Variants in PTBP1 observed in about 807,000 individuals in gnomAD.
PTBP1 encodes the protein polypyrimidine tract binding protein 1, also known as polypyrimidine tract-binding protein 1.
A neutral mutation model predicts 59.8 loss-of-function variants in PTBP1; 8 were observed. That is an observed-to-expected ratio of 0.13 (90% CI 0.08 to 0.24). PTBP1 has a LOEUF of 0.24. Among genes scored for constraint, PTBP1 ranks in the 10% least tolerant of loss-of-function variants. The probability of loss-of-function intolerance (pLI) is 1.00; values close to 1 mark genes in which losing one functional copy is unlikely to be tolerated. For missense variants in PTBP1, 686 were observed against 767.0 expected (o/e 0.89, Z 1.25); for synonymous variants, 490 against 320.7 (o/e 1.53, Z -5.64).
rs533776994 is a variant in PTBP1, at chr19:806,170, A to G, written c.971-238A>G. ...TCTGTGCTGTGGGCGGGGCGCATGCAGATGAGCCCAGGCCCGGCCCGGCCC... is the reference window on the plus strand; with the variant it reads ...TCTGTGCTGTGGGCGGGGCGCATGCGGATGAGCCCAGGCCCGGCCCGGCCC... On this transcript the variant is annotated intron_variant, in intron 9 of 14. Transcript: ENST00000356948. 400 of 441,338 alleles carry G rather than the reference A, an allele frequency of 9.1e-4. 2 individuals carry two copies. Among genetic ancestry groups the G allele is most frequent in the African/African-American group, 7.6e-3 (365 of 47,984 alleles). 27.3% of individuals were successfully genotyped at this position (441,338 alleles called of 1,614,324 possible).
At chr19:805,288 T>TAC in intron 8 of PTBP1, 101 bp downstream of exon 8, 1 of 1,377,648 alleles carries the variant, frequency 7.3e-7, no homozygotes, top group Non-Finnish European at 1.0e-6. Context: ...ACCAGGGTGA[T>TAC]GCACCTGCTG....
At position 808,361 on chromosome 19, in the gene PTBP1, C is replaced by A; in HGVS notation, c.1155C>A (p.Gly385=). Residue 385 remains glycine, a splice_region_variant and synonymous_variant, in exon 12 of 15, where the codon GGC becomes GGA. Transcript: ENST00000356948. The surrounding 1 kb of genome is among the most constrained non-coding windows in gnomAD (Gnocchi z 4.7). ...GGCCCCATCCCTGGGCTTTTGAAGG[C>A]GTCTACGGTGACGTGCAGCGCGTGA... ...VTPQSLFILF[G]VYGDVQRVKI... is the part of the protein sequence containing the mutation. The A allele has an allele frequency of 6.3e-7, 1 of 1,595,416 alleles. No individual in the cohort carries two copies. The highest frequency in any genetic ancestry group is 8.5e-7 in the Non-Finnish European group (1 of 1,172,350).
In PTBP1 at chr19:808,263, G is replaced by T; in HGVS notation, c.1154-97G>T. 1 of 1,058,918 alleles carries T rather than the reference G, an allele frequency of 9.4e-7. No homozygotes were observed. The highest frequency in any genetic ancestry group is 2.6e-5 in the East Asian group (1 of 38,464). The allele number at this position is 1,058,918 out of a possible 1,614,324, so 65.6% of individuals were successfully genotyped here. On this transcript the variant is annotated intron_variant, in intron 11 of 14. Transcript: ENST00000356948. This position sits in a 1 kb window ranked among gnomAD's most constrained non-coding sequence, Gnocchi z 4.7. ...CCGATAAAGCAAACCCGGCCGGGCTGAGCCGGGCCTTGTGGGGGTGCGCGG... is the reference window on the plus strand; with the variant it reads ...CCGATAAAGCAAACCCGGCCGGGCTTAGCCGGGCCTTGTGGGGGTGCGCGG...
In PTBP1 at chr19:806,278, T is replaced by TAGGGCC. The variant is rs1485584769; in HGVS notation, c.971-127_971-122dup. The TAGGGCC allele has an allele frequency of 5.2e-5, 57 of 1,085,932 alleles. 1 individual carries two copies. Among genetic ancestry groups the TAGGGCC allele is most frequent in the East Asian group, 4.6e-4 (14 of 30,612 alleles). The allele number at this position is 1,085,932 out of a possible 1,614,324, so 67.3% of individuals were successfully genotyped here. ...CGGACGACCCCACAGGCACCCAGGG[T>TAGGGCC]AGGGCCAGAGCCAGGGCCGCCTCCC... On this transcript the variant is annotated intron_variant, in intron 9 of 14. Coordinates refer to ENST00000356948, the MANE Select transcript of PTBP1 (RefSeq NM_002819.5).
intron 9 of PTBP1, 159 bp downstream of exon 9, chr19:805,728 C>A: frequency 2.9e-6 from 2 of 680,236 alleles, no homozygotes. Flanking sequence ...ACAGAGCAGG[C>A]TTGGCCAGGG....
intron 9 of PTBP1, chr19:806,186 GGCCC>G: frequency 2.1e-6 from 1 of 481,640 alleles, no homozygotes; most frequent in East Asian, 3.8e-5. Flanking sequence ...GCCCAGGCCC[GGCCC>G]GGCCCGTGCT....
At chr19:803,868 G>T (rs1222189285) in intron 3 of PTBP1, among the ~76,000 whole-genome samples, 168 bp from the exon 4 acceptor site, 1 of 152,148 alleles carries the variant, frequency 6.6e-6, no homozygotes, top group East Asian at 1.9e-4. Flanking sequence ...TCGGGAGCAG[G>T]GGTCCTGACT....
Position 806,578 on chromosome 19 carries a change from G to T in PTBP1, c.1119+22G>T, listed in dbSNP as rs375698667. The T allele has an allele frequency of 1.6e-5, 24 of 1,475,460 alleles. No homozygotes were observed. The Admixed American group carries it at 2.2e-4, about 14-fold the overall frequency. The allele number at this position is 1,475,460 out of a possible 1,614,324, so 91.4% of individuals were successfully genotyped here. A position where few individuals can be genotyped will look rare whatever the true frequency, so the allele number is the denominator to read the frequency against. On this transcript the variant is annotated intron_variant, in intron 10 of 14. Transcript: ENST00000356948. ...AGAGGTACGTGGGCTTTTCCTCCGC[G>T]CCGCCGTTCCTCCCGGAAGAGCGAG...
At position 806,491 on chromosome 19, in the gene PTBP1, A is replaced by T; in HGVS notation, c.1054A>T (p.Ile352Phe). ...GGCGGCAGCTGCGGCGGCAGGTCGG[A>T]TCGCCATCCCGGGCCTGGCGGGGGC... ...AAAAAAAAGR[I>F]AIPGLAGAGN... Residue 352 changes from isoleucine (I) to phenylalanine (F), a missense_variant, in exon 10 of 15, where the codon ATC (isoleucine) becomes TTC (phenylalanine). By Grantham distance (21) the Ile-to-Phe change is conservative. Coordinates refer to ENST00000356948, the MANE Select transcript of PTBP1 (RefSeq NM_002819.5). 6.3e-7 allele frequency: 1 copy of T among 1,585,298 alleles called. No homozygotes were observed. The highest frequency in any genetic ancestry group is 8.6e-7 in the Non-Finnish European group (1 of 1,167,640).
intron 9 of PTBP1, 73 bp from the exon 10 acceptor site, chr19:806,335 G>A: frequency 2.0e-6 from 3 of 1,470,966 alleles, no homozygotes; most frequent in Non-Finnish European, 9.0e-7. Context: ...CATGAGGACG[G>A]GGAGCGTCGG....
Position 805,580 on chromosome 19 carries a change from G to A in PTBP1, c.970+11G>A, listed in dbSNP as rs533957169. The A allele has an allele frequency of 9.9e-6, 16 of 1,610,824 alleles. No homozygotes were observed. In the South Asian group the frequency reaches 1.5e-4, roughly 15 times the overall value. On this transcript the variant is annotated intron_variant, in intron 9 of 14. Transcript: ENST00000356948. ...TTCCTCAAGCTGCAGGTATTCAAAC[G>A]CTTGGTCTTGGTTCCCCAGCGACTG...
chr19:809,612 G>A (rs1030783586), intron 13 of PTBP1, among the ~76,000 whole-genome samples: 6 of 152,176 alleles, frequency 3.9e-5, no homozygotes, highest in African/African-American at 1.4e-4. Flanking sequence ...GAGCCACCAC[G>A]CCTGGCCTAA....
intron 13 of PTBP1, among the ~76,000 whole-genome samples, chr19:809,436 C>T (rs548671711): frequency 6.6e-6 from 1 of 152,242 alleles, no homozygotes; most frequent in East Asian, 1.9e-4. Flanking sequence ...GCTGCCTCAG[C>T]CTCCCGAGTA....
chr19:811,168 C>T lies in PTBP1; in HGVS notation c.*342C>T, dbSNP rs184188148. The T allele has an allele frequency of 7.7e-5, 15 of 195,432 alleles. No homozygotes were observed. The highest frequency in any genetic ancestry group is 2.8e-4 in the African/African-American group (12 of 42,992). 12.1% of individuals were successfully genotyped at this position (195,432 alleles called of 1,614,324 possible). A position where few individuals can be genotyped will look rare whatever the true frequency, so the allele number is the denominator to read the frequency against. ...CTTGGCTTCCTTGTGCCTTAAAAAACCTGCCTTCCTGCAGCCACACACCCA... is the reference window on the plus strand; with the variant it reads ...CTTGGCTTCCTTGTGCCTTAAAAAATCTGCCTTCCTGCAGCCACACACCCA... On this transcript the variant is annotated 3_prime_UTR_variant, in exon 15 of 15. Coordinates refer to ENST00000356948, the MANE Select transcript of PTBP1 (RefSeq NM_002819.5).
At chr19:803,941 C>G in intron 3 of PTBP1, 95 bp from the exon 4 acceptor site, 2 of 1,462,170 alleles carry the variant, frequency 1.4e-6, no homozygotes, top group East Asian at 2.3e-5. Flanking sequence ...CAGGGTTGGT[C>G]TCCGTAGCAG....
chr19:806,263 C>T (rs1326457022), intron 9 of PTBP1, 145 bp from the exon 10 acceptor site: 9 of 948,010 alleles, frequency 9.5e-6, no homozygotes, highest in African/African-American at 3.5e-5. Flanking sequence ...CGGACGACCC[C>T]ACAGGCACCC....
At position 805,359 on chromosome 19, in the gene PTBP1, C is replaced by T. The variant is rs1054377334; in HGVS notation, c.893-133C>T. On this transcript the variant is annotated intron_variant, in intron 8 of 14. Coordinates refer to ENST00000356948, the MANE Select transcript of PTBP1 (RefSeq NM_002819.5). ...CCCCACGTCGGGACCACGGCCCCCC[C>T]TGGAGCAGCGGATCTGCCCGCGAAG... 5 of 1,200,832 alleles carry T rather than the reference C, an allele frequency of 4.2e-6. No homozygotes were observed. In the Admixed American group the frequency reaches 5.9e-5, roughly 14 times the overall value. The allele number at this position is 1,200,832 out of a possible 1,614,324, so 74.4% of individuals were successfully genotyped here. A position where few individuals can be genotyped will look rare whatever the true frequency, so the allele number is the denominator to read the frequency against.
rs1487411615 is a variant in PTBP1, at chr19:811,539, C to CT, written c.*718dup. 2 of 152,446 alleles carry CT rather than the reference C, an allele frequency of 1.3e-5. No individual in the cohort carries two copies. The highest frequency in any genetic ancestry group is 1.3e-4 in the Admixed American group (2 of 15,290). 9.4% of individuals were successfully genotyped at this position (152,446 alleles called of 1,614,324 possible). On this transcript the variant is annotated 3_prime_UTR_variant, in exon 15 of 15. Coordinates refer to ENST00000356948, the MANE Select transcript of PTBP1 (RefSeq NM_002819.5). Reference sequence around the variant, plus strand: ...ATGCAAAAGAAATAGTTTTAAGTAACTTTTTATAGCAAGATGATACAATGG... The same window carrying CT: ...ATGCAAAAGAAATAGTTTTAAGTAACTTTTTTATAGCAAGATGATACAATGG...
intron 10 of PTBP1, chr19:807,546 T>G: frequency 5.3e-6 from 2 of 376,436 alleles, no homozygotes; most frequent in East Asian, 4.8e-5. Flanking sequence ...CTTTTTTTCT[T>G]TTCTCCCCTT....
Sources: gnomAD v4.1 joint callset for allele counts (sites outside exome capture counted in the v4.1 genomes callset) on GRCh38, gnomAD v4.1.1 for gene constraint, Gnocchi (gnomAD v3.1) non-coding constraint, MANE v1.5 for transcripts, NCBI Gene and HGNC (gene_info 2026-07-23, HGNC 2026-07-21) for gene names.